NUBPL: variants seen among roughly 807,000 people sequenced by gnomAD.
NUBPL encodes the protein NUBP iron-sulfur cluster assembly factor, mitochondrial, also known as iron-sulfur cluster transfer protein NUBPL.
NUBPL carries 31 observed loss-of-function variants against 45.7 expected under a neutral mutation model. The observed-to-expected ratio is 0.68, with a 90% CI of 0.51 to 0.92. The LOEUF (loss-of-function observed/expected upper bound fraction) is 0.92, where lower values mean the gene tolerates loss of function less well. Ranked by LOEUF, NUBPL falls within the 40% of genes least tolerant of loss-of-function variation. The pLI is 0.00. For synonymous variants in NUBPL, 144 were observed against 140.9 expected (o/e 1.02, Z -0.15); for missense variants, 401 against 398.7 (o/e 1.01, Z -0.05).
chr14:31,645,685 G>A (rs912735109), intron 4 of NUBPL, among the ~76,000 whole-genome samples: 45 of 151,290 alleles, frequency 3.0e-4, no homozygotes, highest in African/African-American at 9.7e-4. Flanking sequence ...AACATAACAA[G>A]CTATTTTAGT....
At chr14:31,605,945 TCTCTTCTCCCTCCTCCTCTTCTCCC>T (rs2034583102) in intron 4 of NUBPL, among the ~76,000 whole-genome samples, 1 of 145,676 alleles carries the variant, frequency 6.9e-6, no homozygotes, top group Non-Finnish European at 1.5e-5. Context: ...CCTCTTGTCC[TCTCTTCTCCCTCCTCCTCTTCTCCC>T]CTCTCCCTCC....
At chr14:31,800,593 A>T (rs1445516163) in intron 7 of NUBPL, among the ~76,000 whole-genome samples, 3 of 152,224 alleles carry the variant, frequency 2.0e-5, no homozygotes, top group Admixed American at 2.0e-4. Flanking sequence ...ATTTGTAAAA[A>T]ATGCAGCATC....
chr14:31,594,130 A>T (rs1363617815), intron 3 of NUBPL, among the ~76,000 whole-genome samples: 1 of 152,080 alleles, frequency 6.6e-6, no homozygotes, highest in Non-Finnish European at 1.5e-5. Flanking sequence ...TTTGAAATTG[A>T]TTATTGGCCA....
intron 4 of NUBPL, among the ~76,000 whole-genome samples, chr14:31,632,939 A>T (rs2035382951): frequency 6.6e-6 from 1 of 152,242 alleles, no homozygotes; most frequent in African/African-American, 2.4e-5. Context: ...TATTTTACAT[A>T]TTTCTACTTT....
chr14:31,584,219 G>A (rs1002633674), intron 3 of NUBPL, among the ~76,000 whole-genome samples: 3 of 151,980 alleles, frequency 2.0e-5, no homozygotes, highest in African/African-American at 7.3e-5. Flanking sequence ...CTGCCTCCCG[G>A]GCTCAAGCAA....
chr14:31,702,319 G>A (rs1158033935), intron 6 of NUBPL, among the ~76,000 whole-genome samples: 3 of 152,160 alleles, frequency 2.0e-5, no homozygotes, highest in Non-Finnish European at 2.9e-5. Context: ...TTGGGGCTCC[G>A]TGATAGGGGC....
intron 6 of NUBPL, among the ~76,000 whole-genome samples, chr14:31,729,184 C>G (rs2037990855): frequency 6.7e-6 from 1 of 150,218 alleles, no homozygotes; most frequent in South Asian, 2.1e-4. Flanking sequence ...GAGGCTGAGG[C>G]AAGAGAATCA....
intron 6 of NUBPL, among the ~76,000 whole-genome samples, chr14:31,740,208 T>C (rs2139997133): frequency 6.6e-6 from 1 of 152,276 alleles, no homozygotes; most frequent in African/African-American, 2.4e-5. Context: ...TAAGAGTATG[T>C]TTAATTTTGT....
intron 4 of NUBPL, among the ~76,000 whole-genome samples, chr14:31,662,371 A>G (rs959339012): frequency 2.0e-5 from 3 of 152,000 alleles, no homozygotes; most frequent in Admixed American, 1.3e-4. Context: ...ACATACATAT[A>G]CAAGTGCCAT....
intron 6 of NUBPL, among the ~76,000 whole-genome samples, chr14:31,768,977 T>C (rs769932593): frequency 1.2e-4 from 19 of 152,180 alleles, no homozygotes; most frequent in Admixed American, 6.5e-4. Context: ...GCTTGAGGAT[T>C]GTAACCCAGG....
In NUBPL at chr14:31,654,710, G is replaced by A. The variant is rs138282726; in HGVS notation, c.383-18645G>A. 3.7e-4 allele frequency among the ~76,000 whole-genome samples: 57 copies of A among 152,108 alleles called. 1 individual carries two copies. The highest frequency in any genetic ancestry group is 8.7e-4 in the African/African-American group (36 of 41,494). On this transcript the variant is annotated intron_variant, in intron 4 of 10. Coordinates refer to ENST00000281081, the MANE Select transcript of NUBPL (RefSeq NM_025152.3). ...AGGTGTGAGCCACTGTGCCTGCCCC[G>A]GCTATGGCAATTTCTTCAGACAAAA...
intron 4 of NUBPL, among the ~76,000 whole-genome samples, chr14:31,673,018 A>G (rs2036608868): frequency 6.6e-6 from 1 of 152,188 alleles, no homozygotes; most frequent in African/African-American, 2.4e-5. Flanking sequence ...AGGGGGAATA[A>G]GTTCTAGTGA....
intron 3 of NUBPL, among the ~76,000 whole-genome samples, chr14:31,568,920 A>C (rs1320243908): frequency 6.6e-6 from 1 of 152,238 alleles, no homozygotes; most frequent in Non-Finnish European, 1.5e-5. Context: ...GGATGTGGGC[A>C]GAACATTTTT....
intron 6 of NUBPL, among the ~76,000 whole-genome samples, chr14:31,757,635 G>A (rs891548218): frequency 2.0e-4 from 31 of 152,094 alleles, no homozygotes; most frequent in Non-Finnish European, 3.4e-4. Flanking sequence ...TGTGGAATGA[G>A]TAAATAAGAC....
At chr14:31,846,650 G>A in intron 9 of NUBPL, 59 bp downstream of exon 9, 1 of 1,602,020 alleles carries the variant, frequency 6.2e-7, no homozygotes, top group Non-Finnish European at 8.5e-7. Context: ...TGGGGATGAG[G>A]CTTGATGATT....
At chr14:31,765,539 T>A (rs1392349862) in intron 6 of NUBPL, among the ~76,000 whole-genome samples, 2 of 152,142 alleles carry the variant, frequency 1.3e-5, no homozygotes, top group Non-Finnish European at 2.9e-5. Context: ...CAGGCCCACA[T>A]GGCCACCTGT....
chr14:31,634,273 C>G (rs1216766451), intron 4 of NUBPL, among the ~76,000 whole-genome samples: 1 of 116,964 alleles, frequency 8.5e-6, no homozygotes, highest in Non-Finnish European at 1.6e-5. Context: ...AGAGTGTGAT[C>G]TTCCCCTTCC....
At chr14:31,589,627 A>C (rs1024194080) in intron 3 of NUBPL, among the ~76,000 whole-genome samples, 1 of 152,236 alleles carries the variant, frequency 6.6e-6, no homozygotes, top group East Asian at 1.9e-4. Flanking sequence ...CCAATCTTCT[A>C]TTAGGTATTT....
At chr14:31,710,002 T>C (rs1281286922) in intron 6 of NUBPL, among the ~76,000 whole-genome samples, 1 of 152,198 alleles carries the variant, frequency 6.6e-6, no homozygotes, top group Non-Finnish European at 1.5e-5. Flanking sequence ...CATAACTTAT[T>C]TCACTCCATT....
Sources: allele counts gnomAD v4.1 joint callset (sites outside exome capture counted in the v4.1 genomes callset), GRCh38; gene constraint gnomAD v4.1.1; transcripts MANE v1.5; gene names NCBI Gene and HGNC (gene_info 2026-07-23, HGNC 2026-07-21).